Variants in SLC14A2 observed in about 807,000 individuals in gnomAD.
The protein encoded by SLC14A2 is solute carrier family 14 member 2, also known as urea transporter 2.
A neutral mutation model predicts 104.6 loss-of-function variants in SLC14A2; 91 were observed. The observed-to-expected ratio is 0.87, with a 90% CI of 0.73 to 1.04. The LOEUF (loss-of-function observed/expected upper bound fraction) is 1.04. Among genes scored for constraint, SLC14A2 ranks in the 50% least tolerant of loss-of-function variants. The probability of loss-of-function intolerance (pLI) is 0.00; values close to 1 mark genes in which losing one functional copy is unlikely to be tolerated. For missense variants in SLC14A2, 1,189 were observed against 1,156.0 expected (o/e 1.03, Z -0.41); for synonymous variants, 476 against 466.4 (o/e 1.02, Z -0.27).
At chr18:45,318,743 C>T (rs1199350971) in intron 1 of SLC14A2, among the ~76,000 whole-genome samples, 1 of 151,304 alleles carries the variant, frequency 6.6e-6, no homozygotes, top group Non-Finnish European at 1.5e-5. Flanking sequence ...GCCAAGATCA[C>T]ACCACTGCAC....
At chr18:45,238,569 G>GA (rs111923706) in intron 1 of SLC14A2, among the ~76,000 whole-genome samples, 26,187 of 152,066 alleles carry the variant, frequency 0.17, 2,295 homozygotes, top group Middle Eastern at 0.19. Context: ...ATTTAATGGG[G>GA]AAAAAAATCT....
intron 1 of SLC14A2, among the ~76,000 whole-genome samples, chr18:45,215,974 C>A (rs10502859): frequency 0.015 from 2,337 of 152,260 alleles, 68 homozygotes; most frequent in African/African-American, 0.051. Context: ...CTATTGAGTA[C>A]ATAACATGAA....
rs542512382 is a variant in SLC14A2 at position 45,519,488 on chromosome 18, C to T, written c.-35+36166C>T. Among the ~76,000 whole-genome samples the T allele has an allele frequency of 3.9e-5, 6 of 152,308 alleles. No individual in the cohort carries two copies. In the East Asian group the frequency reaches 1.2e-3, roughly 29 times the overall value. On this transcript the variant is annotated intron_variant, in intron 2 of 20. Transcript: ENST00000586448. ...TCCTCCTTTCCCACTTCAGCACCCCCATGCCCATGCGTGAGCATGAGCACA... is the reference window on the plus strand; with the variant it reads ...TCCTCCTTTCCCACTTCAGCACCCCTATGCCCATGCGTGAGCATGAGCACA...
intron 2 of SLC14A2, among the ~76,000 whole-genome samples, chr18:45,572,020 G>A (rs1185991480): frequency 1.3e-5 from 2 of 149,118 alleles, no homozygotes; most frequent in Non-Finnish European, 2.9e-5. Flanking sequence ...CAAAATCTCT[G>A]GGGTAGAGTC....
chr18:45,677,294 G>A (rs1159977921), intron 18 of SLC14A2, among the ~76,000 whole-genome samples: 1 of 152,248 alleles, frequency 6.6e-6, no homozygotes, highest in Non-Finnish European at 1.5e-5. Context: ...GGGTCCCAGG[G>A]AAGATGGATG....
intron 2 of SLC14A2, among the ~76,000 whole-genome samples, chr18:45,596,969 C>T (rs530953379): frequency 2.0e-5 from 3 of 152,334 alleles, no homozygotes; most frequent in African/African-American, 7.2e-5. Flanking sequence ...GTCCCATCCC[C>T]TAGAAATGGC....
chr18:45,177,777 A>T, the SLC14A2 span, among the ~76,000 whole-genome samples: 2 of 152,310 alleles, frequency 1.3e-5, no homozygotes, highest in South Asian at 4.1e-4. Flanking sequence ...GTTTATTACT[A>T]GTGCTTGGCA....
chr18:45,301,034 G>C lies in SLC14A2; in HGVS notation c.-125+87843G>C, dbSNP rs564530783. Among the ~76,000 whole-genome samples, 7 of 152,324 alleles carry C rather than the reference G, an allele frequency of 4.6e-5. No individual in the cohort carries two copies. The East Asian group carries it at 1.2e-3, about 25-fold the overall frequency. ...GAGGATTTGGGGCCGAAAACAAGTA[G>C]ATGATGATGCGACTTCCTATATAAG... is the stretch of plus-strand genomic sequence containing the variant. On this transcript the variant is annotated intron_variant, in intron 1 of 20. Coordinates refer to the SLC14A2 transcript ENST00000586448.
intron 1 of SLC14A2, among the ~76,000 whole-genome samples, chr18:45,388,513 C>A (rs1329752909): frequency 6.6e-6 from 1 of 152,086 alleles, no homozygotes; most frequent in Non-Finnish European, 1.5e-5. Flanking sequence ...TTCCTAGATA[C>A]CCTTCCTGGT....
intron 1 of SLC14A2, among the ~76,000 whole-genome samples, chr18:45,240,664 T>A (rs1002159771): frequency 6.8e-6 from 1 of 146,878 alleles, no homozygotes; most frequent in African/African-American, 2.6e-5. Flanking sequence ...TTGTTTTTGG[T>A]TTTGCCTTTT....
intron 1 of SLC14A2, among the ~76,000 whole-genome samples, chr18:45,382,987 A>G (rs2085855023): frequency 6.6e-6 from 1 of 152,216 alleles, no homozygotes; most frequent in Non-Finnish European, 1.5e-5. Context: ...GAAGGATTCT[A>G]AGTGTTGTTC....
At chr18:45,204,403 G>T in the SLC14A2 span, among the ~76,000 whole-genome samples, 1 of 152,190 alleles carries the variant, frequency 6.6e-6, no homozygotes, top group Non-Finnish European at 1.5e-5. Context: ...TGTAGAGCTG[G>T]CTTGTGCGAT....
intron 10 of SLC14A2, 91 bp downstream of exon 10, chr18:45,644,251 C>A: frequency 7.6e-7 from 1 of 1,323,820 alleles, no homozygotes; most frequent in Non-Finnish European, 1.1e-6. Context: ...AGTTGCAGCA[C>A]TCACCTTCTT....
intron 1 of SLC14A2, among the ~76,000 whole-genome samples, chr18:45,384,139 ATG>A (rs1203859995): frequency 1.3e-5 from 2 of 152,202 alleles, no homozygotes; most frequent in African/African-American, 4.8e-5. Flanking sequence ...ATGTGTGAAA[ATG>A]AGAGAGCTAG....
chr18:45,224,197 TGGC>T (rs2084091384), intron 1 of SLC14A2, among the ~76,000 whole-genome samples: 1 of 152,234 alleles, frequency 6.6e-6, no homozygotes, highest in Non-Finnish European at 1.5e-5. Context: ...CCCACTGCCA[TGGC>T]AGCAGCCAAA....
At chr18:45,238,395 C>T (rs143292048) in intron 1 of SLC14A2, among the ~76,000 whole-genome samples, 1 of 152,178 alleles carries the variant, frequency 6.6e-6, no homozygotes, top group East Asian at 1.9e-4. Context: ...GTGTAGAAAG[C>T]AAGATCCAAA....
rs143957362 is a variant in SLC14A2, at chr18:45,535,880, A to G, written c.-35+52558A>G. The stretch of plus-strand genomic sequence containing the variant: ...ATAGTTGGACTTGGAACTATAGGCA[A>G]TGAAGAAGACAGATCTGTTTCTTGC... On this transcript the variant is annotated intron_variant, in intron 2 of 20. Coordinates refer to the SLC14A2 transcript ENST00000586448. Among the ~76,000 whole-genome samples the G allele has an allele frequency of 9.1e-3, 1,392 of 152,332 alleles. 22 individuals carry two copies. Among genetic ancestry groups the G allele is most frequent in the African/African-American group, 0.032 (1,319 of 41,566 alleles).
At chr18:45,478,979 G>C (rs1223731821) in intron 1 of SLC14A2, among the ~76,000 whole-genome samples, 1 of 152,166 alleles carries the variant, frequency 6.6e-6, no homozygotes, top group Non-Finnish European at 1.5e-5. Context: ...CCCAAAAGAC[G>C]GTGTTGGTTC....
intron 2 of SLC14A2, among the ~76,000 whole-genome samples, chr18:45,534,225 T>G (rs2043745515): frequency 6.6e-6 from 1 of 152,136 alleles, no homozygotes; most frequent in Non-Finnish European, 1.5e-5. Context: ...CCCCTCCTCA[T>G]CACTGCAGAG....
Sources: gnomAD v4.1 joint callset for allele counts (sites outside exome capture counted in the v4.1 genomes callset) on GRCh38, gnomAD v4.1.1 for gene constraint, MANE v1.5 for transcripts, NCBI Gene and HGNC (gene_info 2026-07-23, HGNC 2026-07-21) for gene names.